The following C12orf54 variants were observed in gnomAD, a reference collection of about 807,000 sequenced individuals.
C12orf54 encodes the protein uncharacterized protein C12orf54.
In C12orf54, 24 loss-of-function variants were observed where a neutral mutation model predicts 26.4. The ratio of observed to expected loss-of-function variants is 0.91; its 90% CI spans 0.66 to 1.28. C12orf54 has a LOEUF of 1.28. Among genes scored for constraint, C12orf54 ranks in the 50% most tolerant of loss-of-function variants. C12orf54 has a pLI of 0.00. For missense variants in C12orf54, 154 were observed against 150.9 expected (o/e 1.02, Z -0.11); for synonymous variants, 54 against 47.0 (o/e 1.15, Z -0.61).
chr12:48,431,463 A>G, the C12orf54 span, among the ~76,000 whole-genome samples: 3 of 152,196 alleles, frequency 2.0e-5, no homozygotes, highest in Non-Finnish European at 4.4e-5. Context: ...AAATTATAAG[A>G]GAATATTATG....
chr12:48,456,396 T>C, the C12orf54 span, among the ~76,000 whole-genome samples: 2 of 152,196 alleles, frequency 1.3e-5, no homozygotes, highest in South Asian at 4.1e-4. Flanking sequence ...ACAGGAAAGA[T>C]ACCATTTGAC....
the C12orf54 span, among the ~76,000 whole-genome samples, chr12:48,443,759 G>C: frequency 4.6e-5 from 7 of 152,170 alleles, no homozygotes; most frequent in Non-Finnish European, 8.8e-5. Flanking sequence ...CTACTCTGCA[G>C]TGACAGCCCA....
At chr12:48,413,488 A>G in the C12orf54 span, among the ~76,000 whole-genome samples, 2 of 152,338 alleles carry the variant, frequency 1.3e-5, no homozygotes, top group East Asian at 3.9e-4. Context: ...GCTTCTCTGC[A>G]TTGAAATGTC....
the C12orf54 span, among the ~76,000 whole-genome samples, chr12:48,476,862 C>T: frequency 2.0e-5 from 3 of 152,226 alleles, no homozygotes; most frequent in Admixed American, 6.5e-5. Context: ...ACAAGGATAT[C>T]GAGGAATTGA....
intron 4 of C12orf54, 58 bp downstream of exon 4, chr12:48,486,784 C>G (rs1937656051): frequency 1.3e-6 from 2 of 1,512,002 alleles, no homozygotes; most frequent in South Asian, 1.1e-5. Context: ...TGGGGGAAGT[C>G]TTCAGGAAGG....
At chr12:48,415,294 C>T in the C12orf54 span, among the ~76,000 whole-genome samples, 2 of 152,228 alleles carry the variant, frequency 1.3e-5, no homozygotes, top group African/African-American at 2.4e-5. Context: ...TTTATTTTCT[C>T]AATCTCCTTC....
the C12orf54 span, among the ~76,000 whole-genome samples, chr12:48,430,920 G>A: frequency 1.3e-5 from 2 of 150,252 alleles, no homozygotes; most frequent in African/African-American, 4.9e-5. Flanking sequence ...ATCAACGAGT[G>A]GGTAAAGAAA....
chr12:48,483,692 T>C (rs1261698411), intron 2 of C12orf54, among the ~76,000 whole-genome samples: 2 of 152,166 alleles, frequency 1.3e-5, no homozygotes, highest in Non-Finnish European at 2.9e-5. Context: ...AGGTCAACCA[T>C]CTAAAATCAA....
the C12orf54 span, among the ~76,000 whole-genome samples, chr12:48,428,300 G>A: frequency 1.4e-4 from 21 of 149,770 alleles, no homozygotes; most frequent in African/African-American, 5.2e-4. Flanking sequence ...CCCAGCAGAA[G>A]AAAGGAAATA....
chr12:48,470,227 G>A, the C12orf54 span, among the ~76,000 whole-genome samples: 2 of 152,188 alleles, frequency 1.3e-5, no homozygotes, highest in South Asian at 2.1e-4. Flanking sequence ...GGAACTGGTG[G>A]ATCAAATGTA....
chr12:48,441,100 T>C, the C12orf54 span, among the ~76,000 whole-genome samples: 1 of 152,308 alleles, frequency 6.6e-6, no homozygotes, highest in East Asian at 1.9e-4. Flanking sequence ...CTAACGTATG[T>C]GTTGTGGTAT....
At chr12:48,476,096 A>G in the C12orf54 span, among the ~76,000 whole-genome samples, 3 of 152,320 alleles carry the variant, frequency 2.0e-5, no homozygotes, top group African/African-American at 2.4e-5. Flanking sequence ...AATATTCAAC[A>G]TTCTTAAAGA....
chr12:48,468,050 T>C, the C12orf54 span, among the ~76,000 whole-genome samples: 2 of 152,174 alleles, frequency 1.3e-5, no homozygotes, highest in Admixed American at 1.3e-4. Flanking sequence ...ATTTTTCAAA[T>C]ATAGTTCTTG....
the C12orf54 span, among the ~76,000 whole-genome samples, chr12:48,426,582 G>A: frequency 2.2e-4 from 33 of 151,952 alleles, no homozygotes; most frequent in African/African-American, 7.0e-4. Context: ...TTTTGGTTCC[G>A]TATGAATTTT....
the C12orf54 span, among the ~76,000 whole-genome samples, chr12:48,421,321 G>A: frequency 3.0e-5 from 4 of 131,400 alleles, no homozygotes; most frequent in African/African-American, 1.1e-4. Context: ...AGAGAGCGCA[G>A]GGAGGTGCCA....
chr12:48,450,559 G>GA, the C12orf54 span, among the ~76,000 whole-genome samples: 2 of 151,588 alleles, frequency 1.3e-5, no homozygotes, highest in African/African-American at 2.4e-5. Flanking sequence ...TAGTTTTTTG[G>GA]AAAAAATAAT....
At chr12:48,460,679 A>G in the C12orf54 span, among the ~76,000 whole-genome samples, 2 of 152,296 alleles carry the variant, frequency 1.3e-5, no homozygotes, top group African/African-American at 2.4e-5. Context: ...ATGGAAGCAT[A>G]TTGTTGTAAT....
chr12:48,454,777 G>A, the C12orf54 span, among the ~76,000 whole-genome samples: 19 of 152,156 alleles, frequency 1.2e-4, no homozygotes, highest in Non-Finnish European at 2.2e-4. Flanking sequence ...TAGTAACTTA[G>A]TAAATGAAAT....
chr12:48,471,264 AAG>A, the C12orf54 span, among the ~76,000 whole-genome samples: 2 of 152,302 alleles, frequency 1.3e-5, no homozygotes, highest in East Asian at 3.9e-4. Flanking sequence ...ATGTTGTTGC[AAG>A]TGACTGGATC....
Sources: allele counts gnomAD v4.1 joint callset (sites outside exome capture counted in the v4.1 genomes callset), GRCh38; gene constraint gnomAD v4.1.1; transcripts MANE v1.5; gene names NCBI Gene and HGNC (gene_info 2026-07-23, HGNC 2026-07-21).